The following HYDIN variants were observed in gnomAD, a reference collection of about 807,000 sequenced individuals.
The protein encoded by HYDIN is axonemal central pair apparatus protein HYDIN.
Under a neutral mutation model 403.9 loss-of-function variants are expected in HYDIN, and 132 were observed. That is an observed-to-expected ratio of 0.33 (90% CI 0.28 to 0.38). The LOEUF (loss-of-function observed/expected upper bound fraction) is 0.38. Among genes scored for constraint, HYDIN ranks in the 10% least tolerant of loss-of-function variants. The pLI is 1.00. For missense variants in HYDIN, 2,827 were observed against 5,009.5 expected (o/e 0.56, Z 13.15); for synonymous variants, 1,202 against 1,891.7 (o/e 0.64, Z 9.46).
intron 23 of HYDIN, among the ~76,000 whole-genome samples, chr16:71,000,775 A>T (rs2079681128): frequency 6.6e-6 from 1 of 151,960 alleles, no homozygotes; most frequent in Admixed American, 6.6e-5. Flanking sequence ...GCAGAAGAGG[A>T]GATTCTAGAT....
At chr16:70,931,208 CTGTTTTT>C (rs1366727661) in intron 45 of HYDIN, among the ~76,000 whole-genome samples, 13 of 78,274 alleles carry the variant, frequency 1.7e-4, no homozygotes, top group African/African-American at 4.7e-4. Context: ...TCTCTTTCTT[CTGTTTTT>C]TTTTTTTTTT....
intron 8 of HYDIN, among the ~76,000 whole-genome samples, chr16:71,130,456 C>T (rs1357118859): frequency 4.8e-5 from 7 of 145,202 alleles, no homozygotes; most frequent in African/African-American, 1.8e-4. Context: ...AAGCTGGCAA[C>T]TCCATATATA....
chr16:71,175,089 T>A (rs2086614871), intron 5 of HYDIN, among the ~76,000 whole-genome samples: 1 of 148,938 alleles, frequency 6.7e-6, no homozygotes, highest in African/African-American at 2.5e-5. Context: ...CACCACCATC[T>A]ACACCACCAC....
intron 38 of HYDIN, among the ~76,000 whole-genome samples, chr16:70,960,310 C>A (rs2078373157): frequency 6.6e-6 from 1 of 151,042 alleles, no homozygotes; most frequent in Non-Finnish European, 1.5e-5. Flanking sequence ...TGTATTGGAA[C>A]ATAGCCATGT....
At chr16:71,194,984 T>C (rs917489860) in intron 1 of HYDIN, among the ~76,000 whole-genome samples, 2 of 152,208 alleles carry the variant, frequency 1.3e-5, no homozygotes, top group Admixed American at 1.3e-4. Flanking sequence ...ACAGTGTTCT[T>C]TTTGACCCAG....
rs574354701 is a variant in HYDIN, at chr16:71,047,543, G to C, written c.2529+12961C>G. On this transcript the variant is annotated intron_variant, in intron 18 of 85. Coordinates refer to ENST00000393567, the MANE Select transcript of HYDIN (RefSeq NM_001270974.2). ...TACTGGTATCACTGTTATCCTCTTT[G>C]GCACTAAACGGGTCACTTCAGATGG... Among the ~76,000 whole-genome samples, 357 of 151,510 alleles carry C rather than the reference G, an allele frequency of 2.4e-3. 2 individuals are homozygous for C. The highest frequency in any genetic ancestry group is 4.4e-3 in the South Asian group (21 of 4,768).
intron 18 of HYDIN, among the ~76,000 whole-genome samples, chr16:71,045,286 T>C (rs575750376): frequency 6.6e-6 from 1 of 152,352 alleles, no homozygotes; most frequent in East Asian, 1.9e-4. Flanking sequence ...GATTTTCTCA[T>C]TTTGTCCAGC....
At chr16:71,018,908 A>T in intron 22 of HYDIN, among the ~76,000 whole-genome samples, 1 of 133,742 alleles carries the variant, frequency 7.5e-6, no homozygotes, top group Non-Finnish European at 1.6e-5. Context: ...AGGGTTTTCT[A>T]AAGCACTGGG....
intron 1 of HYDIN, among the ~76,000 whole-genome samples, chr16:71,230,059 C>G (rs2041212863): frequency 6.6e-6 from 1 of 152,194 alleles, no homozygotes; most frequent in Non-Finnish European, 1.5e-5. Context: ...CTTTGCTCCT[C>G]CTTTGCCTTC....
intron 75 of HYDIN, among the ~76,000 whole-genome samples, chr16:70,848,983 G>T (rs1361937707): frequency 6.6e-6 from 1 of 151,562 alleles, no homozygotes; most frequent in Non-Finnish European, 1.5e-5. Flanking sequence ...ACAACTGATT[G>T]TTTTTGAGCA....
At chr16:70,850,052 G>A in intron 74 of HYDIN, 105 bp from the exon 75 acceptor site, 1 of 602,546 alleles carries the variant, frequency 1.7e-6, no homozygotes, top group Admixed American at 2.9e-5. Context: ...AATAAGGATG[G>A]CAGATGATGT....
At chr16:70,969,395 T>A (rs1400285652) in intron 36 of HYDIN, among the ~76,000 whole-genome samples, 1 of 152,164 alleles carries the variant, frequency 6.6e-6, no homozygotes, top group African/African-American at 2.4e-5. Context: ...GAGAGAGAGA[T>A]GAAATCTTCC....
intron 1 of HYDIN, among the ~76,000 whole-genome samples, chr16:71,220,071 A>G (rs1408458769): frequency 2.6e-5 from 4 of 152,178 alleles, no homozygotes; most frequent in Non-Finnish European, 5.9e-5. Context: ...TATGAACACT[A>G]TCCCCCAGAA....
At chr16:71,110,238 G>GTA (rs56102394) in intron 10 of HYDIN, among the ~76,000 whole-genome samples, 8 of 143,228 alleles carry the variant, frequency 5.6e-5, no homozygotes, top group Non-Finnish European at 7.5e-5. Context: ...ATGTATGTGT[G>GTA]TATATATATA....
intron 23 of HYDIN, among the ~76,000 whole-genome samples, chr16:70,998,989 C>T (rs1386224801): frequency 6.6e-6 from 1 of 152,202 alleles, no homozygotes; most frequent in Non-Finnish European, 1.5e-5. Context: ...TCCCCTAGCC[C>T]TCTGACATTA....
chr16:70,931,210 GT>G (rs71387550), intron 45 of HYDIN, among the ~76,000 whole-genome samples: 1,603 of 59,514 alleles, frequency 0.027, 15 homozygotes, highest in Middle Eastern at 0.054. Context: ...TCTTTCTTCT[GT>G]TTTTTTTTTT....
intron 1 of HYDIN, among the ~76,000 whole-genome samples, chr16:71,208,178 T>C (rs2088398051): frequency 6.6e-6 from 1 of 152,186 alleles, no homozygotes; most frequent in Non-Finnish European, 1.5e-5. Flanking sequence ...CATAAAACAA[T>C]CCTCAGCAAA....
intron 23 of HYDIN, among the ~76,000 whole-genome samples, chr16:71,004,190 TG>T (rs938799464): frequency 1.5e-4 from 23 of 151,950 alleles, no homozygotes; most frequent in Admixed American, 2.6e-4. Flanking sequence ...GGCGCATGCC[TG>T]TAATCTCAGC....
chr16:71,106,422 A>G (rs1047702151), intron 10 of HYDIN, among the ~76,000 whole-genome samples: 1 of 152,138 alleles, frequency 6.6e-6, no homozygotes, highest in Non-Finnish European at 1.5e-5. Flanking sequence ...ATCCGCTTCT[A>G]TAATAATAAT....
Sources: gnomAD v4.1 joint callset for allele counts (sites outside exome capture counted in the v4.1 genomes callset) on GRCh38, gnomAD v4.1.1 for gene constraint, MANE v1.5 for transcripts, NCBI Gene and HGNC (gene_info 2026-07-23, HGNC 2026-07-21) for gene names.